CCDC14: variants seen among roughly 807,000 people sequenced by gnomAD.
The protein encoded by CCDC14 is coiled-coil domain-containing protein 14.
CCDC14 carries 71 observed loss-of-function variants against 81.4 expected under a neutral mutation model. That is an observed-to-expected ratio of 0.87 (90% CI 0.72 to 1.06). The LOEUF is 1.06. CCDC14 is among the 50% of genes least tolerant of loss of function. The pLI, the probability that CCDC14 is intolerant of heterozygous loss-of-function variation, is 0.00. For synonymous variants in CCDC14, 332 were observed against 364.8 expected (o/e 0.91, Z 1.03); for missense variants, 1,046 against 1,047.3 (o/e 1.00, Z 0.02).
chr3:123,915,739 C>T (rs2034644544), intron 12 of CCDC14, 21 bp from the exon 13 acceptor site: 1 of 1,513,132 alleles, frequency 6.6e-7, no homozygotes, highest in Non-Finnish European at 8.9e-7. Context: ...GAATCCAGAA[C>T]ACTAATTATT....
intron 5 of CCDC14, among the ~76,000 whole-genome samples, chr3:123,903,425 G>C (rs530316188): frequency 6.6e-6 from 1 of 152,036 alleles, no homozygotes; most frequent in Non-Finnish European, 1.5e-5. Context: ...AGTGTAAAGT[G>C]TTACAACCTC....
Position 123,961,128 on chromosome 3 carries a change from G to A in CCDC14, c.30+16C>T, listed in dbSNP as rs1283911894. On this transcript the variant is annotated intron_variant, in intron 1 of 12. Transcript: ENST00000409697. Reference sequence around the variant, plus strand: ...CTCCATCCCCACAGCGGACTCCTCAGGTCCTCAGCCCTCACCTGGCCCGGT... The same window carrying A: ...CTCCATCCCCACAGCGGACTCCTCAAGTCCTCAGCCCTCACCTGGCCCGGT... 2 of 1,549,054 alleles carry A rather than the reference G, an allele frequency of 1.3e-6. No individual in the cohort carries two copies. Among genetic ancestry groups the A allele is most frequent in the Non-Finnish European group, 1.7e-6 (2 of 1,145,462 alleles).
In CCDC14 at chr3:123,931,482, C is replaced by T. The variant is rs1376840427; in HGVS notation, c.1471G>A (p.Glu491Lys). 2.5e-6 allele frequency: 4 copies of T among 1,574,822 alleles called. No homozygotes were observed. The highest frequency in any genetic ancestry group is 2.6e-6 in the Non-Finnish European group (3 of 1,158,310). ...AATTCCTGGCTCTTTAGTGACTCCT[C>T]CAATTGATTTTGCAGTGACATATTC... is the stretch of plus-strand genomic sequence containing the variant. Reference protein sequence around the residue: ...SLNMSLQNQLEESLKSQELLQ... With the variant: ...SLNMSLQNQLKESLKSQELLQ... Residue 491 changes from glutamate to lysine, a missense_variant, in exon 11 of 13, where the codon GAG becomes AAG. Transcript: ENST00000409697.
the CCDC14 span, among the ~76,000 whole-genome samples, chr3:123,890,540 C>A: frequency 6.6e-6 from 1 of 152,160 alleles, no homozygotes; most frequent in Non-Finnish European, 1.5e-5. Flanking sequence ...AGGCCCCATG[C>A]AAGTCCGAAA....
chr3:123,890,488 G>A, the CCDC14 span, among the ~76,000 whole-genome samples: 1 of 152,154 alleles, frequency 6.6e-6, no homozygotes, highest in Admixed American at 6.5e-5. Context: ...GGTAAATATG[G>A]CCATTCTAAA....
chr3:123,916,752 G>A (rs1044634941), intron 12 of CCDC14, among the ~76,000 whole-genome samples: 1 of 152,046 alleles, frequency 6.6e-6, no homozygotes, highest in Non-Finnish European at 1.5e-5. Context: ...AAATAATAAG[G>A]TATAAAGTAT....
Position 123,918,678 on chromosome 3 carries a change from C to A in CCDC14, c.1779-2960G>T, listed in dbSNP as rs2034854477. ...AAGCTGGAGGTGAATACTCAACTTC[C>A]CTGGCATTCTGGGATGCTTCTCAGG... On this transcript the variant is annotated intron_variant, in intron 12 of 12. Transcript: ENST00000409697. Among the ~76,000 whole-genome samples, 6 of 152,184 alleles carry A rather than the reference C, an allele frequency of 3.9e-5. No homozygotes were observed. In the South Asian group the frequency reaches 1.2e-3, roughly 32 times the overall value.
At chr3:123,931,593 TG>T (rs2035715700) in intron 10 of CCDC14, 67 bp from the exon 11 acceptor site, 1 of 676,814 alleles carries the variant, frequency 1.5e-6, no homozygotes, top group Non-Finnish European at 2.1e-6. Context: ...GGAAAATACC[TG>T]TTTCTTAAAA....
At position 123,907,544 on chromosome 3, in the gene CCDC14, C is replaced by CAA. The variant is rs774323711; in HGVS notation, c.668-9932_668-9931insTT. On this transcript the variant is annotated intron_variant, in intron 5 of 5. Transcript: ENST00000479903. ...GAAAGATGGTGAAACCCTGTCTCCA[C>CAA]ACAAAAAAAAAAAAATCAAAAAAAT... Among the ~76,000 whole-genome samples the CAA allele has an allele frequency of 3.3e-3, 407 of 124,724 alleles. 3 individuals are homozygous for CAA. Among genetic ancestry groups the CAA allele is most frequent in the African/African-American group, 0.011 (370 of 32,992 alleles). The allele number at this position is 124,724 out of a possible 152,430, so 81.8% of individuals were successfully genotyped here. A position where few individuals can be genotyped will look rare whatever the true frequency, so the allele number is the denominator to read the frequency against.
At chr3:123,892,579 T>C (rs2034005202), downstream of CCDC14, among the ~76,000 whole-genome samples, 1 of 152,262 alleles carries the variant, frequency 6.6e-6, no homozygotes, top group African/African-American at 2.4e-5. Flanking sequence ...AATGGGTTTT[T>C]CTTTACTACC....
At position 123,951,706 on chromosome 3, in the gene CCDC14, ACTTT is replaced by A. The variant is rs1408859418; in HGVS notation, c.353-2578_353-2575del. 2.6e-5 allele frequency among the ~76,000 whole-genome samples: 4 copies of A among 152,274 alleles called. No individual in the cohort carries two copies. The East Asian group carries it at 7.7e-4, about 29-fold the overall frequency. On this transcript the variant is annotated intron_variant, in intron 5 of 12. Transcript: ENST00000409697. ...AGGTCACAGCATCAGGCTCTCATTTACTTTCTTTTCAAGGCGTGGTTTTCACAGT... is the reference window on the plus strand; with the variant it reads ...AGGTCACAGCATCAGGCTCTCATTTACTTTTCAAGGCGTGGTTTTCACAGT...
chr3:123,947,329 G>C lies in CCDC14; in HGVS notation c.685-10C>G, dbSNP rs773790386. 1.3e-6 allele frequency: 2 copies of C among 1,590,722 alleles called. No individual in the cohort carries two copies. Among genetic ancestry groups the C allele is most frequent in the South Asian group, 2.3e-5 (2 of 87,728 alleles). On this transcript the variant is annotated splice_polypyrimidine_tract_variant and intron_variant, in intron 7 of 12. Transcript: ENST00000409697. ...CATCAGTTTGAACTTCCTAAAGAAAGATAAAAACAAGTCTTCAGAAGTATG... is the reference window on the plus strand; with the variant it reads ...CATCAGTTTGAACTTCCTAAAGAAACATAAAAACAAGTCTTCAGAAGTATG...
At chr3:123,889,464 C>T in the CCDC14 span, among the ~76,000 whole-genome samples, 3 of 152,144 alleles carry the variant, frequency 2.0e-5, no homozygotes, top group African/African-American at 7.2e-5. Flanking sequence ...AGGCCTCATG[C>T]AAATCCAAAA....
intron 12 of CCDC14, among the ~76,000 whole-genome samples, chr3:123,929,413 C>T (rs1256952939): frequency 1.3e-5 from 2 of 152,064 alleles, no homozygotes; most frequent in Admixed American, 6.6e-5. Flanking sequence ...TGGGCTCCTC[C>T]CACTTCTGCC....
chr3:123,922,416 T>A (rs2035101208), intron 12 of CCDC14, among the ~76,000 whole-genome samples: 2 of 151,938 alleles, frequency 1.3e-5, no homozygotes, highest in Non-Finnish European at 2.9e-5. Context: ...TAGGAAAAAT[T>A]CAGCAAAACT....
At chr3:123,897,766 T>TAA (rs1467900550) in intron 5 of CCDC14, among the ~76,000 whole-genome samples, 4 of 152,170 alleles carry the variant, frequency 2.6e-5, no homozygotes, top group Non-Finnish European at 4.4e-5. Context: ...ACCTCCATTC[T>TAA]AAAAACACTG....
At chr3:123,886,151 TTCTC>T in the CCDC14 span, among the ~76,000 whole-genome samples, 5 of 150,170 alleles carry the variant, frequency 3.3e-5, no homozygotes, top group Non-Finnish European at 5.9e-5. Context: ...CTTTTTTTTT[TTCTC>T]TCTCTCTCTC....
chr3:123,960,904 C>T (rs188895656), intron 1 of CCDC14, among the ~76,000 whole-genome samples: 2,752 of 152,294 alleles, frequency 0.018, 37 homozygotes, highest in South Asian at 0.026. Context: ...CGAACCCGGG[C>T]CTGACCCCAA....
the CCDC14 span, among the ~76,000 whole-genome samples, chr3:123,890,905 C>T: frequency 6.6e-6 from 1 of 152,194 alleles, no homozygotes; most frequent in African/African-American, 2.4e-5. Context: ...CCATGACTTC[C>T]CTGCCCCTGT....
Sources: allele counts gnomAD v4.1 joint callset (sites outside exome capture counted in the v4.1 genomes callset), GRCh38; gene constraint gnomAD v4.1.1; transcripts MANE v1.5; gene names NCBI Gene and HGNC (gene_info 2026-07-23, HGNC 2026-07-21).